RRP1B: variants seen among roughly 807,000 people sequenced by gnomAD.
RRP1B encodes the protein ribosomal RNA processing 1B, also known as ribosomal RNA processing protein 1 homolog B.
Under a neutral mutation model 80.2 loss-of-function variants are expected in RRP1B, and 56 were observed. The observed-to-expected ratio is 0.70, with a 90% CI of 0.56 to 0.87. The LOEUF is 0.87. Among genes scored for constraint, RRP1B ranks in the 40% least tolerant of loss-of-function variants. The pLI, the probability that RRP1B is intolerant of heterozygous loss-of-function variation, is 0.00. For synonymous variants in RRP1B, 351 were observed against 357.6 expected, an observed-to-expected ratio of 0.98 and a Z score of 0.21; for missense variants, 807 against 939.8, an observed-to-expected ratio of 0.86 and a Z score of 1.85.
Position 43,693,729 on chromosome 21 carries a change from G to A in RRP1B, c.*346G>A, listed in dbSNP as rs1452333009. ...AATCAATCAGTGCTGCTGGCACAAT[G>A]AAAGGTGGAACTGCACTTCTGTTGA... On this transcript the variant is annotated 3_prime_UTR_variant, in exon 16 of 16. Coordinates refer to ENST00000340648, the MANE Select transcript of RRP1B (RefSeq NM_015056.3). The surrounding 1 kb of genome is among the most constrained non-coding windows in gnomAD (Gnocchi z 4.1). The A allele has an allele frequency of 4.7e-6, 1 of 210,964 alleles. No homozygotes were observed. Among genetic ancestry groups the A allele is most frequent in the African/African-American group, 2.3e-5 (1 of 42,952 alleles). The allele number at this position is 210,964 out of a possible 1,614,324, so 13.1% of individuals were successfully genotyped here.
chr21:43,689,277 C>T (rs73369437), intron 13 of RRP1B, among the ~76,000 whole-genome samples: 8,143 of 152,314 alleles, frequency 0.053, 727 homozygotes, highest in African/African-American at 0.18. Context: ...ACAGAGTTTG[C>T]GCACCTTGGT....
In RRP1B at chr21:43,693,955, G is replaced by A. The variant is rs113368774; in HGVS notation, c.*572G>A. ...ATAGTTTTTCTACATGTGCTCAGCT[G>A]GGGGTGTGGACAGGTAGGGGTGGGG... is the stretch of plus-strand genomic sequence containing the variant. On this transcript the variant is annotated 3_prime_UTR_variant, in exon 16 of 16. Coordinates refer to ENST00000340648, the MANE Select transcript of RRP1B (RefSeq NM_015056.3). This position sits in a 1 kb window ranked among gnomAD's most constrained non-coding sequence, Gnocchi z 4.1. 26 of 152,476 alleles carry A rather than the reference G, an allele frequency of 1.7e-4. No individual in the cohort carries two copies. Among genetic ancestry groups the A allele is most frequent in the Middle Eastern group, 3.4e-3 (1 of 296 alleles). The allele number at this position is 152,476 out of a possible 1,614,324, so 9.4% of individuals were successfully genotyped here.
chr21:43,677,071 T>C (rs2083025726), intron 8 of RRP1B, among the ~76,000 whole-genome samples, 157 bp downstream of exon 8: 1 of 152,176 alleles, frequency 6.6e-6, no homozygotes, highest in African/African-American at 2.4e-5. Context: ...GGTGGGTTCA[T>C]TGTGCCTGGG....
intron 1 of RRP1B, among the ~76,000 whole-genome samples, chr21:43,664,862 T>G (rs1364119160): frequency 6.6e-6 from 1 of 152,070 alleles, no homozygotes; most frequent in African/African-American, 2.4e-5. Flanking sequence ...AACCGTTAGA[T>G]CTCATGAGAC....
chr21:43,671,834 C>A lies in RRP1B; in HGVS notation c.214-474C>A, dbSNP rs146180456. On this transcript the variant is annotated intron_variant, in intron 2 of 15. Transcript: ENST00000340648. ...TCGAGTAGCTGGAACTACAGGCACA[C>A]GCCACCACGCCTGACTAATTTTTGA... 2.3e-3 allele frequency among the ~76,000 whole-genome samples: 354 copies of A among 152,198 alleles called. 5 individuals are homozygous for A. The highest frequency in any genetic ancestry group is 8.0e-3 in the African/African-American group (330 of 41,508).
At chr21:43,673,004 A>G (rs2083005909) in intron 3 of RRP1B, among the ~76,000 whole-genome samples, 1 of 152,242 alleles carries the variant, frequency 6.6e-6, no homozygotes, top group Non-Finnish European at 1.5e-5. Context: ...ATAAAGCCAA[A>G]AAATCAACAA....
intron 13 of RRP1B, 146 bp downstream of exon 13, chr21:43,688,386 A>C (rs2083073162): frequency 3.0e-6 from 3 of 999,786 alleles, no homozygotes; most frequent in Non-Finnish European, 2.9e-6. Flanking sequence ...TGTTCATAAC[A>C]GCCTTCACTA....
In RRP1B at chr21:43,675,049, C is replaced by A; in HGVS notation, c.435C>A (p.Phe145Leu). ...NGWEESRIKVFLDVLMKEVLC... is the reference protein window; with the variant it reads ...NGWEESRIKVLLDVLMKEVLC... The stretch of plus-strand genomic sequence containing the variant: ...GGTTCTTTAGCCGAATCAAGGTTTT[C>A]TTGGATGTCCTGATGAAGGAGGTCC... The change falls in exon 6 of 16, where the codon TTC becomes TTA. Residue 145 changes from phenylalanine (F) to leucine (L), a missense_variant. By Grantham distance (22) the Phe-to-Leu change is conservative. Transcript: ENST00000340648. 1 of 1,613,956 alleles carries A rather than the reference C, an allele frequency of 6.2e-7. No homozygotes were observed. The highest frequency in any genetic ancestry group is 8.5e-7 in the Non-Finnish European group (1 of 1,179,942).
intron 1 of RRP1B, among the ~76,000 whole-genome samples, chr21:43,662,384 G>A (rs766436108): frequency 7.2e-5 from 11 of 152,314 alleles, no homozygotes; most frequent in South Asian, 2.1e-4. Context: ...CATGAACGTC[G>A]TGGACAGTGA....
At chr21:43,692,074 C>G (rs1290144315) in intron 15 of RRP1B, among the ~76,000 whole-genome samples, 1 of 152,158 alleles carries the variant, frequency 6.6e-6, no homozygotes, top group African/African-American at 2.4e-5. Context: ...GAGAAGCTAC[C>G]TGGTGAGACG....
chr21:43,681,554 C>G (rs1272886003), intron 8 of RRP1B, among the ~76,000 whole-genome samples: 1 of 152,112 alleles, frequency 6.6e-6, no homozygotes, highest in African/African-American at 2.4e-5. Context: ...AGGCTGGTCT[C>G]GAACTCCCGA....
At chr21:43,680,229 C>T (rs1482137546) in intron 8 of RRP1B, among the ~76,000 whole-genome samples, 1 of 152,118 alleles carries the variant, frequency 6.6e-6, no homozygotes, top group African/African-American at 2.4e-5. Flanking sequence ...TTTAAAAAAT[C>T]TGGAAGGATA....
In RRP1B at chr21:43,676,919, G is replaced by A; in HGVS notation, c.796+5G>A. On this transcript the variant is annotated splice_donor_5th_base_variant and intron_variant, in intron 8 of 15. Coordinates refer to ENST00000340648, the MANE Select transcript of RRP1B (RefSeq NM_015056.3). ...CTGTCAGTAAAAAGAAGACAGGTAG[G>A]AGGATGTTCTTGGTCAGTGTAGCTT... 6.2e-7 allele frequency: 1 copy of A among 1,613,622 alleles called. No homozygotes were observed. Among genetic ancestry groups the A allele is most frequent in the Non-Finnish European group, 8.5e-7 (1 of 1,179,630 alleles).
chr21:43,668,208 C>CA (rs774028334), intron 1 of RRP1B, among the ~76,000 whole-genome samples: 4,774 of 118,386 alleles, frequency 0.04, 252 homozygotes, highest in African/African-American at 0.13. Flanking sequence ...GACTCTATCT[C>CA]AAAAAAAAAA....
chr21:43,690,247 C>T (rs772358758), intron 13 of RRP1B, 41 bp from the exon 14 acceptor site: 54 of 1,606,266 alleles, frequency 3.4e-5, no homozygotes, highest in Non-Finnish European at 5.1e-6. Flanking sequence ...GAGGCTCTGT[C>T]GTCTGACCCC....
In RRP1B at chr21:43,672,197, G is replaced by A. The variant is rs11909059; in HGVS notation, c.214-111G>A. Reference sequence around the variant, plus strand: ...ATACTTCTTAGTGGAAGTGACAAGAGGGGCAGACCTTCCCACGAGCGGAAG... The same window carrying A: ...ATACTTCTTAGTGGAAGTGACAAGAAGGGCAGACCTTCCCACGAGCGGAAG... On this transcript the variant is annotated intron_variant, in intron 2 of 15. Transcript: ENST00000340648. The A allele has an allele frequency of 1.4e-3, 1,177 of 833,746 alleles. 8 individuals are homozygous for A. In the African/African-American group the frequency reaches 0.018, roughly 13 times the overall value. 51.6% of individuals were successfully genotyped at this position (833,746 alleles called of 1,614,324 possible).
At position 43,689,857 on chromosome 21, in the gene RRP1B, C is replaced by G. The variant is rs1020702813; in HGVS notation, c.1867-431C>G. ...TCTCTCTCTGGGTGGCTGTCAGTTG[C>G]TGCACACGCAATGAGTGTCCTGGGC... On this transcript the variant is annotated intron_variant, in intron 13 of 15. Transcript: ENST00000340648. Among the ~76,000 whole-genome samples the G allele has an allele frequency of 6.6e-5, 10 of 152,284 alleles. 1 individual carries two copies. The highest frequency in any genetic ancestry group is 6.5e-4 in the Admixed American group (10 of 15,290).
Position 43,693,402 on chromosome 21 carries a change from GTAAAAGA to G in RRP1B, c.*20_*26del. On this transcript the variant is annotated 3_prime_UTR_variant, in exon 16 of 16. Coordinates refer to ENST00000340648, the MANE Select transcript of RRP1B (RefSeq NM_015056.3). The surrounding 1 kb of genome is among the most constrained non-coding windows in gnomAD (Gnocchi z 4.1). ...CTTCTGAGGAGCAGCAGAGTCCCTT[GTAAAAGA>G]CTGCTTTTGTACAGAATGCGCTATA... 6.6e-7 allele frequency: 1 copy of G among 1,520,894 alleles called. No individual in the cohort carries two copies. Among genetic ancestry groups the G allele is most frequent in the Non-Finnish European group, 8.8e-7 (1 of 1,135,994 alleles). 94.2% of individuals were successfully genotyped at this position (1,520,894 alleles called of 1,614,324 possible).
chr21:43,670,511 G>C (rs1242194037), intron 2 of RRP1B, among the ~76,000 whole-genome samples: 1 of 152,246 alleles, frequency 6.6e-6, no homozygotes, highest in Non-Finnish European at 1.5e-5. Context: ...CAACACTAAA[G>C]ATGTGACTTT....
Sources: gnomAD v4.1 joint callset for allele counts (sites outside exome capture counted in the v4.1 genomes callset) on GRCh38, gnomAD v4.1.1 for gene constraint, Gnocchi (gnomAD v3.1) non-coding constraint, MANE v1.5 for transcripts, NCBI Gene and HGNC (gene_info 2026-07-23, HGNC 2026-07-21) for gene names.